BACH2: variants seen among roughly 807,000 people sequenced by gnomAD.
BACH2 encodes BACH transcriptional regulator 2, also known as transcription regulator protein BACH2.
Under a neutral mutation model 61.8 loss-of-function variants are expected in BACH2, and 5 were observed. The ratio of observed to expected loss-of-function variants is 0.08; its 90% CI spans 0.04 to 0.17. The LOEUF is 0.17. BACH2 is among the 10% of genes least tolerant of loss of function. BACH2 has a pLI of 1.00. For synonymous variants in BACH2, 446 were observed against 440.1 expected (o/e 1.01, Z -0.17); for missense variants, 824 against 1,091.1 (o/e 0.76, Z 3.45).
rs185276840 is a variant in BACH2 at position 90,190,330 on chromosome 6, A to T, written c.-162+16239T>A. Among the ~76,000 whole-genome samples the T allele has an allele frequency of 2.4e-4, 36 of 152,366 alleles. No homozygotes were observed. In the East Asian group the frequency reaches 6.9e-3, roughly 29 times the overall value. On this transcript the variant is annotated intron_variant, in intron 4 of 8. Coordinates refer to ENST00000257749, the MANE Select transcript of BACH2 (RefSeq NM_021813.4). The stretch of plus-strand genomic sequence containing the variant: ...ATTTTAAATGACTCTTTAAGCTACC[A>T]TTACAGATAACTGTAAGAAATATTC...
intron 4 of BACH2, among the ~76,000 whole-genome samples, chr6:90,159,610 G>A (rs1785119227): frequency 6.6e-6 from 1 of 152,196 alleles, no homozygotes; most frequent in African/African-American, 2.4e-5. Flanking sequence ...ATTGAGCCAT[G>A]CAGATAATTC....
chr6:90,037,724 A>C (rs940237499), intron 5 of BACH2, among the ~76,000 whole-genome samples: 2 of 152,228 alleles, frequency 1.3e-5, no homozygotes, highest in African/African-American at 4.8e-5. Context: ...TTGAAGCCCT[A>C]ACCTCCTGTA....
At chr6:90,024,639 T>C (rs905635876) in intron 5 of BACH2, among the ~76,000 whole-genome samples, 3 of 152,232 alleles carry the variant, frequency 2.0e-5, no homozygotes, top group African/African-American at 7.2e-5. Context: ...TGAGCTTTTC[T>C]AACTGTGGTT....
chr6:90,206,497 G>A (rs1439434406), intron 4 of BACH2, 72 bp downstream of exon 4: 1 of 152,318 alleles, frequency 6.6e-6, no homozygotes, highest in Non-Finnish European at 1.5e-5. Context: ...ATCATGGAAA[G>A]ACATATGTAC....
chr6:90,073,968 C>T (rs1781361551), intron 5 of BACH2, among the ~76,000 whole-genome samples: 1 of 152,108 alleles, frequency 6.6e-6, no homozygotes, highest in African/African-American at 2.4e-5. Flanking sequence ...GGAGGAATTT[C>T]CCATTTCAGG....
In BACH2 at chr6:89,932,367, G is replaced by T; in HGVS notation, c.*41C>A. On this transcript the variant is annotated 3_prime_UTR_variant, in exon 9 of 9. Transcript: ENST00000257749. ...GCCACAGGCTGACTGAAGAACGCCT[G>T]GATGGGAGAGGTGTGCGGACTGGGA... The T allele has an allele frequency of 6.3e-7, 1 of 1,588,700 alleles. No homozygotes were observed.
At chr6:90,028,044 G>A (rs577889329) in intron 5 of BACH2, among the ~76,000 whole-genome samples, 12 of 152,294 alleles carry the variant, frequency 7.9e-5, no homozygotes, top group Admixed American at 5.2e-4. Flanking sequence ...AGACCTGCAA[G>A]AGAATGATGG....
intron 6 of BACH2, among the ~76,000 whole-genome samples, chr6:89,983,434 A>C (rs1262598388): frequency 6.6e-6 from 1 of 152,178 alleles, no homozygotes; most frequent in Admixed American, 6.5e-5. Flanking sequence ...TCTGGGAGGC[A>C]GAGGCAGGCA....
chr6:90,068,203 T>TA (rs937477735), intron 5 of BACH2, among the ~76,000 whole-genome samples: 22 of 152,288 alleles, frequency 1.4e-4, no homozygotes, highest in African/African-American at 4.8e-4. Context: ...TCAGAGCTTT[T>TA]AAAAAATTGT....
intron 4 of BACH2, among the ~76,000 whole-genome samples, chr6:90,172,305 C>CAAA (rs10713693): frequency 1.2e-5 from 1 of 83,606 alleles, no homozygotes; most frequent in Non-Finnish European, 2.8e-5. Context: ...GACTCCATCT[C>CAAA]AAAAAAAAAA....
At chr6:89,947,056 C>A (rs1223078450) in intron 7 of BACH2, among the ~76,000 whole-genome samples, 1 of 152,152 alleles carries the variant, frequency 6.6e-6, no homozygotes, top group African/African-American at 2.4e-5. Flanking sequence ...TGGAGGAAGA[C>A]AGATTGGGAA....
intron 5 of BACH2, among the ~76,000 whole-genome samples, chr6:90,069,532 G>A (rs1054656438): frequency 1.3e-5 from 2 of 152,330 alleles, no homozygotes; most frequent in Admixed American, 1.3e-4. Flanking sequence ...CAGTTGCTGT[G>A]TGTCTGGCAA....
rs1772589856 is a variant in BACH2, at chr6:89,930,595, C to T, written c.*1813G>A. On this transcript the variant is annotated 3_prime_UTR_variant, in exon 9 of 9. Coordinates refer to ENST00000257749, the MANE Select transcript of BACH2 (RefSeq NM_021813.4). ...GCCACTGGAGCGAGGGAGCTGATTC[C>T]TCCTCCTCTGGGGCACACCTTCCTG... is the stretch of plus-strand genomic sequence containing the variant. 2 of 152,840 alleles carry T rather than the reference C, an allele frequency of 1.3e-5. No individual in the cohort carries two copies. The highest frequency in any genetic ancestry group is 1.3e-4 in the Admixed American group (2 of 15,290). The allele number at this position is 152,840 out of a possible 1,614,324, so 9.5% of individuals were successfully genotyped here.
At chr6:90,176,181 G>T (rs540941387) in intron 4 of BACH2, among the ~76,000 whole-genome samples, 3 of 152,286 alleles carry the variant, frequency 2.0e-5, no homozygotes, top group Admixed American at 2.0e-4. Flanking sequence ...CCCCTTCAGT[G>T]GCTGTACTGA....
intron 5 of BACH2, among the ~76,000 whole-genome samples, 189 bp downstream of exon 5, chr6:90,088,772 G>T (rs1298276537): frequency 6.6e-6 from 1 of 151,858 alleles, no homozygotes; most frequent in Non-Finnish European, 1.5e-5. Flanking sequence ...GATTCAAGCT[G>T]AAATTTAAGA....
intron 4 of BACH2, among the ~76,000 whole-genome samples, chr6:90,164,245 C>T (rs1348542644): frequency 6.6e-6 from 1 of 152,088 alleles, no homozygotes; most frequent in Non-Finnish European, 1.5e-5. Flanking sequence ...ACCACTGATC[C>T]CACAGAAATA....
At chr6:90,225,904 G>C (rs188333254) in intron 3 of BACH2, among the ~76,000 whole-genome samples, 3 of 152,276 alleles carry the variant, frequency 2.0e-5, no homozygotes, top group South Asian at 2.1e-4. Context: ...GGTAAACCAA[G>C]AGGCCATCAG....
At chr6:90,178,270 C>CA (rs1768044225) in intron 4 of BACH2, among the ~76,000 whole-genome samples, 1 of 150,152 alleles carries the variant, frequency 6.7e-6, no homozygotes, top group African/African-American at 2.5e-5. Flanking sequence ...CTCACCACCT[C>CA]ACTATTACCT....
chr6:90,054,425 G>A (rs1312019763), intron 5 of BACH2, among the ~76,000 whole-genome samples: 5 of 152,180 alleles, frequency 3.3e-5, no homozygotes, highest in South Asian at 2.1e-4. Flanking sequence ...GGGGAGGGGC[G>A]CCCACCACTG....
Sources: allele counts gnomAD v4.1 joint callset (sites outside exome capture counted in the v4.1 genomes callset), GRCh38; gene constraint gnomAD v4.1.1; transcripts MANE v1.5; gene names NCBI Gene and HGNC (gene_info 2026-07-23, HGNC 2026-07-21).